Variants in DAPK1 observed in about 807,000 individuals in gnomAD.
The protein encoded by DAPK1 is death-associated protein kinase 1.
DAPK1 carries 56 observed loss-of-function variants against 144.9 expected under a neutral mutation model. The ratio of observed to expected loss-of-function variants is 0.39; its 90% CI spans 0.31 to 0.48. The LOEUF (loss-of-function observed/expected upper bound fraction) is 0.48, where lower values mean the gene tolerates loss of function less well. DAPK1 is among the 20% of genes least tolerant of loss of function. The pLI is 0.95. For synonymous variants in DAPK1, 690 were observed against 749.0 expected (o/e 0.92, Z 1.29); for missense variants, 1,454 against 1,875.4 (o/e 0.78, Z 4.15).
chr9:87,634,629 C>A (rs1829823801), intron 3 of DAPK1, among the ~76,000 whole-genome samples: 1 of 152,164 alleles, frequency 6.6e-6, no homozygotes, highest in African/African-American at 2.4e-5. Flanking sequence ...AATCACGGTG[C>A]AGAAGAGCAT....
rs1826319525 is a variant in DAPK1 at position 87,547,901 on chromosome 9, C to G, written c.62+48762C>G. ...GGTAAATGCACCTTCACGGAAACAT[C>G]TAGAATAATGTTTGGCCACATATCT... is the stretch of plus-strand genomic sequence containing the variant. On this transcript the variant is annotated intron_variant, in intron 2 of 25. Transcript: ENST00000408954. Among the ~76,000 whole-genome samples, 5 of 152,164 alleles carry G rather than the reference C, an allele frequency of 3.3e-5. No homozygotes were observed. In the South Asian group the frequency reaches 1.0e-3, roughly 32 times the overall value.
At chr9:87,508,689 C>T (rs1373810995) in intron 2 of DAPK1, among the ~76,000 whole-genome samples, 1 of 152,178 alleles carries the variant, frequency 6.6e-6, no homozygotes, top group South Asian at 2.1e-4. Flanking sequence ...TGACACCTGA[C>T]CCACAGTATA....
chr9:87,638,923 C>G (rs1377868770), intron 4 of DAPK1, among the ~76,000 whole-genome samples: 3 of 152,114 alleles, frequency 2.0e-5, no homozygotes, highest in Non-Finnish European at 4.4e-5. Flanking sequence ...GCTGGAAATG[C>G]AAAAGAAAAA....
chr9:87,522,821 A>C (rs987787023), intron 2 of DAPK1, among the ~76,000 whole-genome samples: 3 of 152,190 alleles, frequency 2.0e-5, no homozygotes, highest in Non-Finnish European at 4.4e-5. Context: ...TGATAAGTGT[A>C]GTTTCATCAA....
At chr9:87,509,522 C>T (rs7860266) in intron 2 of DAPK1, among the ~76,000 whole-genome samples, 2 of 151,904 alleles carry the variant, frequency 1.3e-5, no homozygotes, top group Admixed American at 6.6e-5. Context: ...CACCACGCCC[C>T]GCTAATTTTA....
intron 2 of DAPK1, among the ~76,000 whole-genome samples, chr9:87,531,978 G>T (rs1825718518): frequency 6.6e-6 from 1 of 152,166 alleles, no homozygotes; most frequent in South Asian, 2.1e-4. Context: ...CTTTTAAGAG[G>T]CATCATCATT....
At chr9:87,577,160 T>G (rs552796238) in intron 2 of DAPK1, among the ~76,000 whole-genome samples, 4 of 152,336 alleles carry the variant, frequency 2.6e-5, no homozygotes, top group South Asian at 4.1e-4. Flanking sequence ...TAAGAAGCTG[T>G]GTGTGTACAA....
At position 87,618,802 on chromosome 9, in the gene DAPK1, T is replaced by C. The variant is rs182910189; in HGVS notation, c.284+13627T>C. ...CTACTCATGGACACAGGGCTTCTCTTGGGGGTGATAATGTTCTAAAATTAG... is the reference window on the plus strand; with the variant it reads ...CTACTCATGGACACAGGGCTTCTCTCGGGGGTGATAATGTTCTAAAATTAG... On this transcript the variant is annotated intron_variant, in intron 3 of 25. Transcript: ENST00000408954. 2.6e-5 allele frequency among the ~76,000 whole-genome samples: 4 copies of C among 152,258 alleles called. No individual in the cohort carries two copies. In the East Asian group the frequency reaches 7.7e-4, roughly 29 times the overall value.
intron 3 of DAPK1, chr9:87,632,273 G>C: frequency 1.0e-6 from 1 of 983,462 alleles, no homozygotes; most frequent in Non-Finnish European, 1.2e-6. Flanking sequence ...ATATATGTAG[G>C]AATGAAGGAG....
chr9:87,682,684 G>A (rs60724209), intron 20 of DAPK1, among the ~76,000 whole-genome samples: 2,783 of 152,320 alleles, frequency 0.018, 97 homozygotes, highest in East Asian at 0.14. Flanking sequence ...TTATATTGCT[G>A]ATACATATGT....
chr9:87,628,510 G>A (rs2119078233), intron 3 of DAPK1, among the ~76,000 whole-genome samples: 1 of 152,260 alleles, frequency 6.6e-6, no homozygotes, highest in East Asian at 1.9e-4. Context: ...TTTTCATTCA[G>A]CAAAGTCCTC....
Position 87,668,777 on chromosome 9 carries a change from A to T in DAPK1, c.2001+103A>T, listed in dbSNP as rs551965927. On this transcript the variant is annotated intron_variant, in intron 19 of 25. Coordinates refer to ENST00000408954, the MANE Select transcript of DAPK1 (RefSeq NM_004938.4). The stretch of plus-strand genomic sequence containing the variant: ...GAATGAGCAAAATGAGGCTCTAGAC[A>T]GCCAGGTTTTAGGAACAGTGGTCCC... 2.0e-5 allele frequency: 16 copies of T among 799,422 alleles called. No individual in the cohort carries two copies. The Admixed American group carries it at 2.2e-4, about 11-fold the overall frequency. The allele number at this position is 799,422 out of a possible 1,614,324, so 49.5% of individuals were successfully genotyped here. A position where few individuals can be genotyped will look rare whatever the true frequency, so the allele number is the denominator to read the frequency against.
At chr9:87,601,599 T>C (rs1828520693) in intron 2 of DAPK1, among the ~76,000 whole-genome samples, 1 of 151,978 alleles carries the variant, frequency 6.6e-6, no homozygotes, top group South Asian at 2.1e-4. Context: ...ACTGTGAGAC[T>C]GGGGCAACAG....
chr9:87,694,917 C>T (rs558441155), intron 21 of DAPK1, among the ~76,000 whole-genome samples: 32 of 152,314 alleles, frequency 2.1e-4, no homozygotes, highest in African/African-American at 7.7e-4. Context: ...TGGAGCAATA[C>T]TGTCATGCAG....
Position 87,686,750 on chromosome 9 carries a change from C to A in DAPK1, c.2413+11C>A, listed in dbSNP as rs1324735103. 3.1e-6 allele frequency: 5 copies of A among 1,595,236 alleles called. No individual in the cohort carries two copies. The East Asian group carries it at 1.1e-4, about 36-fold the overall frequency. On this transcript the variant is annotated intron_variant, in intron 21 of 25. Coordinates refer to ENST00000408954, the MANE Select transcript of DAPK1 (RefSeq NM_004938.4). The surrounding 1 kb of genome is among the most constrained non-coding windows in gnomAD (Gnocchi z 4.2). ...ACGCTTATTTGAATGGTATGCCCTG[C>A]CTGCCCCAAGGGAAGGACCTCAGGT...
At chr9:87,698,615 G>A in intron 22 of DAPK1, 41 bp from the exon 23 acceptor site, 1 of 1,449,552 alleles carries the variant, frequency 6.9e-7, no homozygotes, top group Non-Finnish European at 9.6e-7. Flanking sequence ...CAGCCAGGTA[G>A]GAGGACCCAC....
At chr9:87,584,940 G>T (rs968503881) in intron 2 of DAPK1, among the ~76,000 whole-genome samples, 4 of 152,176 alleles carry the variant, frequency 2.6e-5, no homozygotes, top group African/African-American at 9.7e-5. Flanking sequence ...GCCTCTCAAA[G>T]TTCTGGGATT....
At chr9:87,643,761 T>C (rs1258958508) in intron 11 of DAPK1, among the ~76,000 whole-genome samples, 2 of 151,742 alleles carry the variant, frequency 1.3e-5, no homozygotes, top group East Asian at 1.9e-4. Context: ...CACACACACA[T>C]ACACACATGC....
At chr9:87,544,820 C>G (rs1003004764) in intron 2 of DAPK1, among the ~76,000 whole-genome samples, 2 of 152,206 alleles carry the variant, frequency 1.3e-5, no homozygotes, top group Non-Finnish European at 2.9e-5. Flanking sequence ...ACCCAAAATG[C>G]AGGAAGAAAG....
Sources: allele counts gnomAD v4.1 joint callset (sites outside exome capture counted in the v4.1 genomes callset), GRCh38; gene constraint gnomAD v4.1.1; non-coding constraint Gnocchi (gnomAD v3.1); transcripts MANE v1.5; gene names NCBI Gene and HGNC (gene_info 2026-07-23, HGNC 2026-07-21).